The following ZNF724 variants were observed in gnomAD, a reference collection of about 807,000 sequenced individuals.
ZNF724 encodes zinc finger protein 724 pseudogene.
Under a neutral mutation model 29.3 loss-of-function variants are expected in ZNF724, and 14 were observed. That is an observed-to-expected ratio of 0.48 (90% CI 0.32 to 0.75). The LOEUF is 0.75. ZNF724 is among the 30% of genes least tolerant of loss of function. ZNF724 has a pLI of 0.04. For missense variants in ZNF724, 557 were observed against 571.2 expected, an observed-to-expected ratio of 0.98 and a Z score of 0.25; for synonymous variants, 180 against 193.6, an observed-to-expected ratio of 0.93 and a Z score of 0.58.
intron 3 of ZNF724, among the ~76,000 whole-genome samples, chr19:23,226,401 A>G (rs981718913): frequency 6.6e-6 from 1 of 152,166 alleles, no homozygotes; most frequent in African/African-American, 2.4e-5. Context: ...CTTTTGGGCT[A>G]AAGTGATTCT....
intron 2 of ZNF724, 65 bp downstream of exon 2, chr19:23,232,102 T>C: frequency 1.7e-6 from 2 of 1,180,110 alleles, no homozygotes; most frequent in East Asian, 2.4e-5. Context: ...CCAAAAAACA[T>C]CCTACAAAAA....
intron 2 of ZNF724, among the ~76,000 whole-genome samples, 192 bp downstream of exon 2, chr19:23,231,975 G>A (rs1568341134): frequency 6.6e-6 from 1 of 151,882 alleles, no homozygotes; most frequent in African/African-American, 2.4e-5. Context: ...GACCTCAGGT[G>A]ATCCACCCGC....
rs776315543 is a variant in ZNF724 at position 23,223,019 on chromosome 19, A to G, written c.1226T>C (p.Leu409Pro). The G allele has an allele frequency of 1.5e-6, 2 of 1,335,778 alleles. No individual in the cohort carries two copies. The highest frequency in any genetic ancestry group is 2.2e-6 in the Non-Finnish European group (2 of 927,808). The allele number at this position is 1,335,778 out of a possible 1,614,324, so 82.7% of individuals were successfully genotyped here. A position where few individuals can be genotyped will look rare whatever the true frequency, so the allele number is the denominator to read the frequency against. ...CGKAFNTSSH[L>P]TTHKRIHTGE... is the part of the protein sequence containing the mutation. ...GGTATGAATTCTTTTATGTGTGGTGAGGTGTGAGGATGTGTTAAAGGCTTT... is the reference window on the plus strand; with the variant it reads ...GGTATGAATTCTTTTATGTGTGGTGGGGTGTGAGGATGTGTTAAAGGCTTT... Residue 409 changes from leucine (L) to proline (P), a missense_variant, in exon 4 of 4, where the codon CTC becomes CCC. Transcript: ENST00000418100.
chr19:23,246,058 T>C (rs1366356930), intron 1 of ZNF724, among the ~76,000 whole-genome samples: 1 of 152,092 alleles, frequency 6.6e-6, no homozygotes, highest in East Asian at 1.9e-4. Flanking sequence ...ATAACCTTCT[T>C]TTGCAGGATC....
In ZNF724 at chr19:23,222,545, C is replaced by T. The variant is rs1254973985; in HGVS notation, c.1700G>A (p.Cys567Tyr). Residue 567 changes from cysteine to tyrosine, a missense_variant, in exon 4 of 4, where the codon TGT becomes TAT. Transcript: ENST00000418100. The part of the protein sequence containing the change: ...TGEKPYKCEE[C>Y]GKAFNWSSTL... ...TGAGGACCAATTAAAGGCTTTGCCA[C>T]ATTCTTCACATTTGTAGGGTTTCTC... 3 of 1,372,080 alleles carry T rather than the reference C, an allele frequency of 2.2e-6. No individual in the cohort carries two copies. Among genetic ancestry groups the T allele is most frequent in the Non-Finnish European group, 3.1e-6 (3 of 961,512 alleles). 85.0% of individuals were successfully genotyped at this position (1,372,080 alleles called of 1,614,324 possible).
rs534104101 is a variant in ZNF724 at position 23,250,152 on chromosome 19, G to C, written c.3+88C>G. 844 of 556,724 alleles carry C rather than the reference G, an allele frequency of 1.5e-3. 2 individuals carry two copies. Among genetic ancestry groups the C allele is most frequent in the Non-Finnish European group, 2.7e-3 (753 of 275,398 alleles). The allele number at this position is 556,724 out of a possible 1,614,324, so 34.5% of individuals were successfully genotyped here. A position where few individuals can be genotyped will look rare whatever the true frequency, so the allele number is the denominator to read the frequency against. On this transcript the variant is annotated intron_variant, in intron 1 of 3. Coordinates refer to ENST00000418100, the MANE Select transcript of ZNF724 (RefSeq NM_001355404.2). ...GGGCGCAGTTTGTGGAGATGACTGC[G>C]GGGAGGCCCGAGTCCGCCACAGCCA...
intron 1 of ZNF724, among the ~76,000 whole-genome samples, chr19:23,246,930 A>G (rs1443198376): frequency 6.6e-6 from 1 of 152,094 alleles, no homozygotes; most frequent in South Asian, 2.1e-4. Flanking sequence ...GCAAAAAAAC[A>G]CACCTGAGAA....
In ZNF724 at chr19:23,250,285, C is replaced by T; in HGVS notation, c.-43G>A. ...AGGCCCTGGCGTCTTAGCTGTGGAT[C>T]TCCCAATGCTTGCAGGTCAGAGGGC... On this transcript the variant is annotated 5_prime_UTR_variant, in exon 1 of 4. Transcript: ENST00000418100. 2 of 662,892 alleles carry T rather than the reference C, an allele frequency of 3.0e-6. No individual in the cohort carries two copies. Among genetic ancestry groups the T allele is most frequent in the Non-Finnish European group, 2.7e-6 (1 of 373,960 alleles). The allele number at this position is 662,892 out of a possible 1,614,324, so 41.1% of individuals were successfully genotyped here.
intron 1 of ZNF724, among the ~76,000 whole-genome samples, chr19:23,244,126 T>A (rs1972192886): frequency 6.6e-6 from 1 of 152,084 alleles, no homozygotes; most frequent in Non-Finnish European, 1.5e-5. Context: ...GTGCAATATG[T>A]AAACTGAAAG....
At chr19:23,233,918 C>T (rs554592158) in intron 1 of ZNF724, among the ~76,000 whole-genome samples, 5 of 152,224 alleles carry the variant, frequency 3.3e-5, no homozygotes, top group Admixed American at 2.0e-4. Context: ...TTACATGCTA[C>T]GACCACACCC....
In ZNF724 at chr19:23,223,317, A is replaced by G; in HGVS notation, c.928T>C (p.Tyr310His). 1 of 771,040 alleles carries G rather than the reference A, an allele frequency of 1.3e-6. No individual in the cohort carries two copies. 47.8% of individuals were successfully genotyped at this position (771,040 alleles called of 1,614,324 possible). The stretch of plus-strand genomic sequence containing the variant: ...GCTCTGCCACAATGTTCACATATGT[A>G]GGGCTTCTCTCCAGCATGAATTATC... ...HKIIHAGEKP[Y>H]ICEHCGRAFN... is the part of the protein sequence containing the mutation. Residue 310 changes from tyrosine to histidine, a missense_variant, in exon 4 of 4, where the codon TAC becomes CAC. Physicochemically the swap from Tyr to His is moderately conservative, Grantham distance 83. Coordinates refer to ENST00000418100, the MANE Select transcript of ZNF724 (RefSeq NM_001355404.2).
chr19:23,239,827 G>A (rs1031004400), intron 1 of ZNF724, among the ~76,000 whole-genome samples: 1 of 151,862 alleles, frequency 6.6e-6, no homozygotes, highest in African/African-American at 2.4e-5. Flanking sequence ...AATAAAGCAA[G>A]AGAAAACCAA....
intron 1 of ZNF724, among the ~76,000 whole-genome samples, chr19:23,243,475 C>CAAAAAAAAAAAAAAAA (rs61241201): frequency 7.7e-4 from 24 of 31,154 alleles, no homozygotes; most frequent in African/African-American, 2.5e-3. Context: ...GAGTCCATCT[C>CAAAAAAAAAAAAAAAA]AAAAAAAAAA....
intron 1 of ZNF724, among the ~76,000 whole-genome samples, chr19:23,249,559 C>A (rs1045559997): frequency 1.3e-5 from 2 of 152,116 alleles, no homozygotes; most frequent in South Asian, 2.1e-4. Flanking sequence ...CCACCACGCC[C>A]GGCTAATTTT....
At chr19:23,241,947 C>T (rs1339181430) in intron 1 of ZNF724, among the ~76,000 whole-genome samples, 3 of 152,046 alleles carry the variant, frequency 2.0e-5, no homozygotes, top group Admixed American at 2.0e-4. Context: ...TCAAACTATC[C>T]CTGTTTTCAG....
intron 1 of ZNF724, among the ~76,000 whole-genome samples, chr19:23,233,781 C>G (rs1041503813): frequency 6.7e-6 from 1 of 148,854 alleles, no homozygotes; most frequent in Admixed American, 6.7e-5. Context: ...GCTCTTGATC[C>G]GAGACATGTT....
intron 2 of ZNF724, 119 bp downstream of exon 2, chr19:23,232,046 TTC>T (rs1234168981): frequency 1.1e-6 from 1 of 928,910 alleles, no homozygotes; most frequent in Non-Finnish European, 1.7e-6. Context: ...CCCCAAGATT[TTC>T]TTAGAAATAG....
intron 1 of ZNF724, among the ~76,000 whole-genome samples, chr19:23,247,377 TCTA>T (rs1278872212): frequency 6.6e-6 from 1 of 151,976 alleles, no homozygotes; most frequent in Non-Finnish European, 1.5e-5. Flanking sequence ...CCTTTCAAGC[TCTA>T]CTAATAAAAT....
At chr19:23,243,758 A>G (rs1358053936) in intron 1 of ZNF724, among the ~76,000 whole-genome samples, 2 of 151,604 alleles carry the variant, frequency 1.3e-5, no homozygotes, top group Non-Finnish European at 2.9e-5. Flanking sequence ...CCTCGTCTCT[A>G]CTAAAAATAT....
Sources: allele counts gnomAD v4.1 joint callset (sites outside exome capture counted in the v4.1 genomes callset), GRCh38; gene constraint gnomAD v4.1.1; transcripts MANE v1.5; gene names NCBI Gene and HGNC (gene_info 2026-07-23, HGNC 2026-07-21).